The following ZNF780B variants were observed in gnomAD, a reference collection of about 807,000 sequenced individuals.
The protein encoded by ZNF780B is zinc finger protein 779.
A neutral mutation model predicts 74.1 loss-of-function variants in ZNF780B; 52 were observed. The observed-to-expected ratio is 0.70, with a 90% CI of 0.56 to 0.88. The LOEUF (loss-of-function observed/expected upper bound fraction) is 0.88. Ranked by LOEUF, ZNF780B falls within the 40% of genes least tolerant of loss-of-function variation. ZNF780B has a pLI of 0.00. For missense variants in ZNF780B, 953 were observed against 1,007.6 expected, an observed-to-expected ratio of 0.95 and a Z score of 0.73; for synonymous variants, 315 against 324.3, an observed-to-expected ratio of 0.97 and a Z score of 0.31.
intron 4 of ZNF780B, among the ~76,000 whole-genome samples, chr19:40,038,856 T>C (rs1436253268): frequency 6.7e-6 from 1 of 150,350 alleles, no homozygotes; most frequent in African/African-American, 2.4e-5. Flanking sequence ...TCCCATTTTG[T>C]AGGTTGCCTG....
At chr19:40,051,927 G>GA (rs78723058) in intron 1 of ZNF780B, among the ~76,000 whole-genome samples, 9,468 of 152,170 alleles carry the variant, frequency 0.062, 497 homozygotes, top group East Asian at 0.18. Flanking sequence ...TAGTATATGG[G>GA]ATTCATATAC....
chr19:40,045,853 T>C (rs1972909788), intron 4 of ZNF780B, among the ~76,000 whole-genome samples: 1 of 152,056 alleles, frequency 6.6e-6, no homozygotes, highest in African/African-American at 2.4e-5. Context: ...CCAGGCGTGG[T>C]GGCAGGCACC....
chr19:40,035,318 G>A lies in ZNF780B; in HGVS notation c.1541C>T (p.Ser514Leu), dbSNP rs747559058. 33 of 1,613,914 alleles carry A rather than the reference G, an allele frequency of 2.0e-5. No individual in the cohort carries two copies. Among genetic ancestry groups the A allele is most frequent in the African/African-American group, 5.3e-5 (4 of 74,854 alleles). The change falls in exon 5 of 5, where the codon TCG (serine) becomes TTG (leucine). Residue 514 changes from serine to leucine, a missense_variant. Coordinates refer to ENST00000434248, the MANE Select transcript of ZNF780B (RefSeq NM_001005851.3). ...AATACTCTGATGTTGAACAAGGTTC[G>A]AGCCACGATTGAAGGCCTTCCCACA... is the stretch of plus-strand genomic sequence containing the variant. ...KDCGKAFNRG[S>L]NLVQHQSIHT...
At chr19:40,046,083 A>G (rs1972921086) in intron 4 of ZNF780B, among the ~76,000 whole-genome samples, 1 of 151,938 alleles carries the variant, frequency 6.6e-6, no homozygotes. Context: ...TAGAAACCAG[A>G]GGCTGGGAAG....
Position 40,054,752 on chromosome 19 carries a change from C to T in ZNF780B, c.-46+1437G>A, listed in dbSNP as rs984232779. Among the ~76,000 whole-genome samples the T allele has an allele frequency of 9.2e-5, 14 of 152,324 alleles. 1 individual carries two copies. Among genetic ancestry groups the T allele is most frequent in the East Asian group, 1.9e-4 (1 of 5,192 alleles). On this transcript the variant is annotated intron_variant, in intron 1 of 4. Coordinates refer to ENST00000434248, the MANE Select transcript of ZNF780B (RefSeq NM_001005851.3). ...TAGAGTATTAATTCATTCTAATGTT[C>T]ATTACAAGCCTGAGAAGACCAGAAA...
At position 40,034,185 on chromosome 19, in the gene ZNF780B, G is replaced by C; in HGVS notation, c.*172C>G. ...TTTCCCACATTCTTCACATTGATAT[G>C]GTTTCTCACCAGTATGAATTCTCTG... On this transcript the variant is annotated 3_prime_UTR_variant, in exon 5 of 5. Coordinates refer to ENST00000434248, the MANE Select transcript of ZNF780B (RefSeq NM_001005851.3). The C allele has an allele frequency of 1.5e-6, 1 of 680,636 alleles. No individual in the cohort carries two copies. Among genetic ancestry groups the C allele is most frequent in the South Asian group, 1.9e-5 (1 of 52,618 alleles). 42.2% of individuals were successfully genotyped at this position (680,636 alleles called of 1,614,324 possible).
intron 4 of ZNF780B, among the ~76,000 whole-genome samples, chr19:40,037,801 T>A (rs769180662): frequency 7.2e-5 from 11 of 151,940 alleles, no homozygotes; most frequent in African/African-American, 9.7e-5. Flanking sequence ...CTTTCTCTTA[T>A]CTTCTTGCTT....
In ZNF780B at chr19:40,036,429, T is replaced by G; in HGVS notation, c.430A>C (p.Ile144Leu). Residue 144 changes from isoleucine to leucine, a missense_variant, in exon 5 of 5, where the codon ATC (isoleucine) becomes CTC (leucine). By Grantham distance (5) the Ile-to-Leu change is conservative. Coordinates refer to ENST00000434248, the MANE Select transcript of ZNF780B (RefSeq NM_001005851.3). ...TAAGCAGGCATTTCTTCATAGCTGA[T>G]GATCTTCTGGTTGATATATCCTTCT... is the stretch of plus-strand genomic sequence containing the variant. ...HQEGYINQKI[I>L]SYEEMPAYTH... 6.2e-7 allele frequency: 1 copy of G among 1,609,398 alleles called. No homozygotes were observed. The highest frequency in any genetic ancestry group is 8.5e-7 in the Non-Finnish European group (1 of 1,178,540).
In ZNF780B at chr19:40,034,669, G is replaced by A. The variant is rs376431224; in HGVS notation, c.2190C>T (p.Cys730=). The A allele has an allele frequency of 1.5e-5, 24 of 1,611,810 alleles. No individual in the cohort carries two copies. The highest frequency in any genetic ancestry group is 9.4e-5 in the African/African-American group (7 of 74,396). The change falls in exon 5 of 5, where the codon TGC becomes TGT. Residue 730 remains cysteine, a synonymous_variant. Transcript: ENST00000434248. Reference sequence around the variant, plus strand: ...GTGTCAGAAGACCAAAGGCCTTTCCGCATTCTTTACATTCAAAGGGTTTCT... The same window carrying A: ...GTGTCAGAAGACCAAAGGCCTTTCCACATTCTTTACATTCAAAGGGTTTCT... ...TGEKPFECKE[C]GKAFGLLTQL... is the part of the protein sequence containing the mutation.
chr19:40,047,922 G>A (rs1161135505), intron 3 of ZNF780B, among the ~76,000 whole-genome samples: 1 of 152,108 alleles, frequency 6.6e-6, no homozygotes, highest in Admixed American at 6.5e-5. Flanking sequence ...GTAGCACAAA[G>A]TTAAAAATTA....
Position 40,036,094 on chromosome 19 carries a change from C to T in ZNF780B, c.765G>A (p.Gly255=), listed in dbSNP as rs1294446646. 3.2e-5 allele frequency: 51 copies of T among 1,613,150 alleles called. No homozygotes were observed. Among genetic ancestry groups the T allele is most frequent in the Non-Finnish European group, 4.3e-5 (51 of 1,179,666 alleles). ...GGTTTGAGCTACGATTAAAAGACTTCCCACATTCCTTACATTCAAACAGTT... is the reference window on the plus strand; with the variant it reads ...GGTTTGAGCTACGATTAAAAGACTTTCCACATTCCTTACATTCAAACAGTT... ...VKKLFECKEC[G]KSFNRSSNLT... is the part of the protein sequence containing the mutation. Residue 255 remains glycine (G), a synonymous_variant, in exon 5 of 5, where the codon GGG becomes GGA. Transcript: ENST00000434248.
At position 40,046,511 on chromosome 19, in the gene ZNF780B, ATTAC is replaced by A. The variant is rs534437232; in HGVS notation, c.232+860_232+863del. ...CTCAGACCTTTCTTCCCGCTGTTCC[ATTAC>A]TTACTCCACCTTTGTGTTTCCTGCT... On this transcript the variant is annotated intron_variant, in intron 4 of 4. Coordinates refer to ENST00000434248, the MANE Select transcript of ZNF780B (RefSeq NM_001005851.3). Among the ~76,000 whole-genome samples the A allele has an allele frequency of 6.6e-5, 10 of 152,318 alleles. No individual in the cohort carries two copies. In the East Asian group the frequency reaches 1.7e-3, roughly 26 times the overall value.
rs758640442 is a variant in ZNF780B, at chr19:40,048,757, G to A, written c.49C>T (p.Gln17Ter). ...TFRDVAIDFSQEEWECLQPDQ... is the reference protein window; with the variant it reads ...TFRDVAIDFS Reference sequence around the variant, plus strand: ...GGCTGCAGGCACTCCCACTCCTCCTGAGAGAAGTCAATGGCCACATCCCTG... The same window carrying A: ...GGCTGCAGGCACTCCCACTCCTCCTAAGAGAAGTCAATGGCCACATCCCTG... Residue 17 changes from glutamine (Q) to a stop codon, truncating the protein, a stop_gained, in exon 3 of 5, where the codon CAG (glutamine) becomes TAG (stop). Coordinates refer to ENST00000434248, the MANE Select transcript of ZNF780B (RefSeq NM_001005851.3). LOFTEE classifies it high-confidence loss of function. The A allele has an allele frequency of 4.3e-6, 7 of 1,614,054 alleles. No individual in the cohort carries two copies. Among genetic ancestry groups the A allele is most frequent in the Admixed American group, 3.3e-5 (2 of 59,996 alleles).
chr19:40,056,197 G>A lies in ZNF780B; in HGVS notation c.-54C>T, dbSNP rs1312661691. On this transcript the variant is annotated 5_prime_UTR_variant, in exon 1 of 5. Coordinates refer to ENST00000434248, the MANE Select transcript of ZNF780B (RefSeq NM_001005851.3). The stretch of plus-strand genomic sequence containing the variant: ...GGACGTGAAGACCTTACCCAGCTAG[G>A]TCGTCAACCCCAGGAGACAGGAAGT... 1 of 152,272 alleles carries A rather than the reference G, an allele frequency of 6.6e-6. No individual in the cohort carries two copies. The highest frequency in any genetic ancestry group is 1.5e-5 in the Non-Finnish European group (1 of 68,076). 9.4% of individuals were successfully genotyped at this position (152,272 alleles called of 1,614,324 possible).
At chr19:40,038,227 C>T (rs2144736597) in intron 4 of ZNF780B, among the ~76,000 whole-genome samples, 1 of 151,912 alleles carries the variant, frequency 6.6e-6, no homozygotes, top group East Asian at 1.9e-4. Flanking sequence ...ATCCATGTCC[C>T]TACAAAGGAC....
intron 4 of ZNF780B, among the ~76,000 whole-genome samples, chr19:40,043,875 C>T (rs1369775566): frequency 6.6e-6 from 1 of 152,192 alleles, no homozygotes; most frequent in East Asian, 1.9e-4. Flanking sequence ...AATGCCTCGC[C>T]CTGCTTTGGC....
rs1001837400 is a variant in ZNF780B at position 40,036,405 on chromosome 19, AAG to A, written c.452_453del (p.Ala151ValfsTer9). 6.2e-7 allele frequency: 1 copy of A among 1,609,518 alleles called. No individual in the cohort carries two copies. The highest frequency in any genetic ancestry group is 1.3e-5 in the African/African-American group (1 of 74,832). On this transcript the variant is annotated frameshift_variant, in exon 5 of 5. Coordinates refer to ENST00000434248, the MANE Select transcript of ZNF780B (RefSeq NM_001005851.3). LOFTEE classifies it high-confidence loss of function. ...QKIISYEEMP[A>X]YTHASPIHNT... ...TTATGAATAGGAGAAGCATGAGTATAAGCAGGCATTTCTTCATAGCTGATGAT... is the reference window on the plus strand; with the variant it reads ...TTATGAATAGGAGAAGCATGAGTATACAGGCATTTCTTCATAGCTGATGAT...
In ZNF780B at chr19:40,028,445, A is replaced by G. The variant is rs1301252144; in HGVS notation, c.*5912T>C. The G allele has an allele frequency of 6.6e-6, 1 of 152,212 alleles. No individual in the cohort carries two copies. The allele number at this position is 152,212 out of a possible 1,614,324, so 9.4% of individuals were successfully genotyped here. A position where few individuals can be genotyped will look rare whatever the true frequency, so the allele number is the denominator to read the frequency against. On this transcript the variant is annotated 3_prime_UTR_variant, in exon 5 of 5. Coordinates refer to ENST00000434248, the MANE Select transcript of ZNF780B (RefSeq NM_001005851.3). The stretch of plus-strand genomic sequence containing the variant: ...GAAAAAAAATGTCTCCCTTATGGGT[A>G]CTGTGATTTCAATAGGGTGTGGGAT...
chr19:40,048,661 T>C lies in ZNF780B; in HGVS notation c.136+9A>G. On this transcript the variant is annotated intron_variant, in intron 3 of 4. Coordinates refer to ENST00000434248, the MANE Select transcript of ZNF780B (RefSeq NM_001005851.3). Reference sequence around the variant, plus strand: ...CAGATACAAAAATAACTGGGACCAATGACCTTACCCAGTGATATCAGGTGG... The same window carrying C: ...CAGATACAAAAATAACTGGGACCAACGACCTTACCCAGTGATATCAGGTGG... The C allele has an allele frequency of 1.9e-6, 3 of 1,614,162 alleles. No individual in the cohort carries two copies. Among genetic ancestry groups the C allele is most frequent in the Non-Finnish European group, 1.7e-6 (2 of 1,180,020 alleles).
Sources: allele counts gnomAD v4.1 joint callset (sites outside exome capture counted in the v4.1 genomes callset), GRCh38; gene constraint gnomAD v4.1.1; transcripts MANE v1.5; gene names NCBI Gene and HGNC (gene_info 2026-07-23, HGNC 2026-07-21).